Variants in TUSC3 observed in about 807,000 individuals in gnomAD.
TUSC3 encodes dolichyl-diphosphooligosaccharide--protein glycosyltransferase subunit TUSC3.
A neutral mutation model predicts 44.8 loss-of-function variants in TUSC3; 45 were observed. The observed-to-expected ratio is 1.00, with a 90% CI of 0.79 to 1.29. The LOEUF (loss-of-function observed/expected upper bound fraction) is 1.29, where lower values mean the gene tolerates loss of function less well. Among genes scored for constraint, TUSC3 ranks in the 50% most tolerant of loss-of-function variants. The pLI is 0.00. For synonymous variants in TUSC3, 212 were observed against 152.9 expected (o/e 1.39, Z -2.85); for missense variants, 519 against 437.9 (o/e 1.19, Z -1.65).
intron 6 of TUSC3, among the ~76,000 whole-genome samples, chr8:15,720,655 A>T (rs943233107): frequency 5.3e-5 from 8 of 152,136 alleles, no homozygotes; most frequent in African/African-American, 1.9e-4. Context: ...GGATGACATT[A>T]GATTTCTAAA....
At chr8:15,676,657 C>T (rs770599866) in intron 6 of TUSC3, among the ~76,000 whole-genome samples, 4 of 152,096 alleles carry the variant, frequency 2.6e-5, no homozygotes, top group Admixed American at 2.0e-4. Context: ...AGGGCAACTA[C>T]CGACTACTGG....
intron 1 of TUSC3, among the ~76,000 whole-genome samples, chr8:15,462,033 A>T (rs1444635706): frequency 6.6e-6 from 1 of 152,072 alleles, no homozygotes; most frequent in Admixed American, 6.6e-5. Flanking sequence ...TGAGCAAGTC[A>T]TAAGACCCCT....
chr8:15,555,695 G>GC (rs1802234680), intron 1 of TUSC3, among the ~76,000 whole-genome samples: 1 of 151,554 alleles, frequency 6.6e-6, no homozygotes, highest in African/African-American at 2.4e-5. Context: ...AATCAGATAA[G>GC]CCCTTTCATG....
chr8:15,779,632 A>G, the TUSC3 span, among the ~76,000 whole-genome samples: 1 of 152,222 alleles, frequency 6.6e-6, no homozygotes, highest in Non-Finnish European at 1.5e-5. Flanking sequence ...GAAAAGAGGA[A>G]GAGTAAAAAT....
chr8:15,638,314 TA>T (rs1806186710), intron 2 of TUSC3, among the ~76,000 whole-genome samples: 1 of 152,138 alleles, frequency 6.6e-6, no homozygotes. Flanking sequence ...GGATTCTTTT[TA>T]TCCCAGTTAC....
At chr8:15,435,398 C>A (rs1217721413) in intron 1 of TUSC3, among the ~76,000 whole-genome samples, 2 of 152,078 alleles carry the variant, frequency 1.3e-5, no homozygotes, top group African/African-American at 2.4e-5. Context: ...ATGGAAAGGG[C>A]TTGAAAATTT....
chr8:15,589,040 T>C (rs1402064721), intron 1 of TUSC3, among the ~76,000 whole-genome samples: 2 of 152,162 alleles, frequency 1.3e-5, no homozygotes, highest in Non-Finnish European at 2.9e-5. Flanking sequence ...TTATTCGGAG[T>C]GCAGTTTATC....
At chr8:15,581,523 T>C (rs1239542401) in intron 1 of TUSC3, among the ~76,000 whole-genome samples, 1 of 147,934 alleles carries the variant, frequency 6.8e-6, no homozygotes, top group Non-Finnish European at 1.5e-5. Context: ...TGTTTGTTAG[T>C]TTTCCTTCTA....
intron 2 of TUSC3, among the ~76,000 whole-genome samples, chr8:15,643,820 T>G (rs1392777225): frequency 6.6e-6 from 1 of 152,220 alleles, no homozygotes; most frequent in East Asian, 1.9e-4. Context: ...GTTTATCAGT[T>G]GTTTTTTTCT....
At chr8:15,724,103 A>G (rs1034513401) in intron 6 of TUSC3, among the ~76,000 whole-genome samples, 1 of 152,140 alleles carries the variant, frequency 6.6e-6, no homozygotes, top group African/African-American at 2.4e-5. Flanking sequence ...AGGAAAGTAT[A>G]GAGACGCCTA....
chr8:15,730,928 G>T (rs533849140), intron 7 of TUSC3, among the ~76,000 whole-genome samples, 199 bp downstream of exon 7: 48 of 151,596 alleles, frequency 3.2e-4, no homozygotes, highest in Admixed American at 1.3e-3. Context: ...ATCATTAACA[G>T]ATCATAATTT....
intron 1 of TUSC3, among the ~76,000 whole-genome samples, chr8:15,419,993 A>C (rs1799717921): frequency 6.6e-6 from 1 of 152,182 alleles, no homozygotes; most frequent in African/African-American, 2.4e-5. Context: ...CAATGAATTC[A>C]TTCATTGAAT....
chr8:15,700,927 T>C (rs930562369), intron 6 of TUSC3, among the ~76,000 whole-genome samples: 1 of 145,570 alleles, frequency 6.9e-6, no homozygotes, highest in Non-Finnish European at 1.5e-5. Flanking sequence ...GTCCAGGATA[T>C]GTGAAGTGAA....
At chr8:15,843,947 T>G in the TUSC3 span, among the ~76,000 whole-genome samples, 2 of 152,070 alleles carry the variant, frequency 1.3e-5, no homozygotes, top group African/African-American at 2.4e-5. Context: ...GGAAACTCAG[T>G]CTCTTTGGTT....
intron 7 of TUSC3, among the ~76,000 whole-genome samples, chr8:15,736,586 C>G (rs1433914023): frequency 1.3e-5 from 2 of 152,042 alleles, no homozygotes; most frequent in Non-Finnish European, 2.9e-5. Flanking sequence ...TTACTAAATA[C>G]ACTTATAAAT....
the TUSC3 span, among the ~76,000 whole-genome samples, chr8:15,850,041 TC>T: frequency 6.6e-6 from 1 of 152,090 alleles, no homozygotes. Context: ...GGCCCCTATT[TC>T]TACACCTGCT....
chr8:15,433,596 C>A (rs939225301), intron 1 of TUSC3, among the ~76,000 whole-genome samples: 8 of 151,740 alleles, frequency 5.3e-5, no homozygotes, highest in African/African-American at 1.5e-4. Context: ...ACACCACCAC[C>A]GCCACCACCA....
chr8:15,531,828 T>C (rs1801454777), intron 2 of TUSC3, among the ~76,000 whole-genome samples: 1 of 152,190 alleles, frequency 6.6e-6, no homozygotes, highest in African/African-American at 2.4e-5. Flanking sequence ...TGATATTTCC[T>C]AGAGATAATC....
chr8:15,639,141 G>T (rs113127678), intron 2 of TUSC3, among the ~76,000 whole-genome samples: 2 of 142,462 alleles, frequency 1.4e-5, no homozygotes, highest in Admixed American at 1.5e-4. Flanking sequence ...TGATGTTCAG[G>T]GCTTCAGTGA....
Sources: allele counts gnomAD v4.1 joint callset (sites outside exome capture counted in the v4.1 genomes callset), GRCh38; gene constraint gnomAD v4.1.1; transcripts MANE v1.5; gene names NCBI Gene and HGNC (gene_info 2026-07-23, HGNC 2026-07-21).